Variants in SNX29 observed in about 807,000 individuals in gnomAD.
SNX29 encodes sorting nexin 29.
A neutral mutation model predicts 102.1 loss-of-function variants in SNX29; 78 were observed. That is an observed-to-expected ratio of 0.76 (90% CI 0.64 to 0.92). SNX29 has a LOEUF of 0.92. SNX29 is among the 40% of genes least tolerant of loss of function. The probability of loss-of-function intolerance (pLI) is 0.00; values close to 1 mark genes in which losing one functional copy is unlikely to be tolerated. For missense variants in SNX29, 1,280 were observed against 1,061.7 expected, an observed-to-expected ratio of 1.21 and a Z score of -2.86; for synonymous variants, 580 against 414.5, an observed-to-expected ratio of 1.40 and a Z score of -4.85.
rs896752159 is a variant in SNX29 at position 12,442,531 on chromosome 16, C to G, written c.2038-35188C>G. On this transcript the variant is annotated intron_variant, in intron 18 of 20. Transcript: ENST00000566228. ...CATCTCAGATGCAACTCTGTTCTTA[C>G]AGAGTCAAGGCAGCCATAGGCTATA... is the stretch of plus-strand genomic sequence containing the variant. 7.2e-5 allele frequency among the ~76,000 whole-genome samples: 11 copies of G among 151,920 alleles called. 1 individual carries two copies. The highest frequency in any genetic ancestry group is 7.2e-4 in the Admixed American group (11 of 15,246).
At chr16:12,324,071 T>C (rs529120587) in intron 15 of SNX29, among the ~76,000 whole-genome samples, 1 of 152,184 alleles carries the variant, frequency 6.6e-6, no homozygotes, top group South Asian at 2.1e-4. Context: ...GAGACCCAGA[T>C]TGGACCATCG....
At chr16:12,035,568 C>G (rs1206315878) in intron 4 of SNX29, among the ~76,000 whole-genome samples, 1 of 152,140 alleles carries the variant, frequency 6.6e-6, no homozygotes, top group African/African-American at 2.4e-5. Context: ...CAGGCTGGTT[C>G]AGTTTGGGAT....
At chr16:12,340,327 A>T (rs933683073) in intron 15 of SNX29, among the ~76,000 whole-genome samples, 1 of 152,178 alleles carries the variant, frequency 6.6e-6, no homozygotes. Flanking sequence ...TTGAAGTCCT[A>T]TTCTCTGTAA....
chr16:12,460,321 G>A (rs942433936), intron 18 of SNX29, among the ~76,000 whole-genome samples: 3 of 152,188 alleles, frequency 2.0e-5, no homozygotes, highest in Non-Finnish European at 4.4e-5. Context: ...TCAGAGTTGA[G>A]TGCCTTGCTT....
intron 2 of SNX29, among the ~76,000 whole-genome samples, chr16:12,001,405 G>A (rs565142948): frequency 4.6e-5 from 7 of 152,146 alleles, no homozygotes; most frequent in South Asian, 4.2e-4. Flanking sequence ...GAGCCACCGC[G>A]CCTAGCCTGC....
chr16:12,036,968 C>T (rs2057493854), intron 4 of SNX29, among the ~76,000 whole-genome samples: 1 of 152,028 alleles, frequency 6.6e-6, no homozygotes, highest in Admixed American at 6.6e-5. Flanking sequence ...TGCCTTCTCC[C>T]AAATCTGTCT....
At chr16:12,317,780 G>A (rs1442597662) in intron 15 of SNX29, among the ~76,000 whole-genome samples, 2 of 152,258 alleles carry the variant, frequency 1.3e-5, no homozygotes, top group East Asian at 1.9e-4. Flanking sequence ...CCCTGGATAT[G>A]TTCCCTAACC....
chr16:12,531,103 A>G (rs570114803), intron 20 of SNX29, among the ~76,000 whole-genome samples: 4 of 152,314 alleles, frequency 2.6e-5, no homozygotes, highest in African/African-American at 9.6e-5. Context: ...TTTTCCTGAC[A>G]TCACTAAAGC....
intron 13 of SNX29, among the ~76,000 whole-genome samples, chr16:12,175,967 T>C (rs183880121): frequency 3.5e-4 from 53 of 152,206 alleles, no homozygotes; most frequent in African/African-American, 1.2e-3. Context: ...GATTGTGTCA[T>C]TGCGGTCCAG....
chr16:12,285,591 A>G (rs765667773), intron 15 of SNX29, among the ~76,000 whole-genome samples: 1 of 152,196 alleles, frequency 6.6e-6, no homozygotes, highest in African/African-American at 2.4e-5. Flanking sequence ...TGTGAATGTG[A>G]TCATCATTTT....
chr16:12,066,108 T>C (rs867407055), intron 9 of SNX29, among the ~76,000 whole-genome samples: 36 of 152,210 alleles, frequency 2.4e-4, no homozygotes, highest in Middle Eastern at 6.8e-3. Flanking sequence ...AGCGCTCTCA[T>C]TGAAGGCTGG....
chr16:12,102,097 C>T (rs2053046659), intron 11 of SNX29, among the ~76,000 whole-genome samples: 1 of 152,218 alleles, frequency 6.6e-6, no homozygotes, highest in Non-Finnish European at 1.5e-5. Context: ...AACACGAACT[C>T]ATCCTTTTTT....
chr16:12,346,210 G>C (rs890344643), intron 15 of SNX29, among the ~76,000 whole-genome samples: 2 of 152,144 alleles, frequency 1.3e-5, no homozygotes, highest in African/African-American at 2.4e-5. Context: ...CCTAGGTTTG[G>C]CCACAGGATG....
chr16:12,413,241 G>A (rs190225856), intron 18 of SNX29, among the ~76,000 whole-genome samples: 1 of 152,098 alleles, frequency 6.6e-6, no homozygotes, highest in Admixed American at 6.6e-5. Flanking sequence ...GTCTCAAAAC[G>A]GGAGATAAAA....
chr16:12,476,411 T>TATATATAA (rs1567603336), intron 18 of SNX29, among the ~76,000 whole-genome samples: 2 of 18,646 alleles, frequency 1.1e-4, no homozygotes, highest in Non-Finnish European at 7.5e-5. Context: ...TATATATATA[T>TATATATAA]ACATATATAT....
At chr16:12,512,393 TATATATATATATATATATATATATA>T (rs1410653280) in intron 19 of SNX29, among the ~76,000 whole-genome samples, 1 of 80,540 alleles carries the variant, frequency 1.2e-5, no homozygotes, top group African/African-American at 4.8e-5. Flanking sequence ...TATATATATA[TATATATATATATATATATATATATA>T]GTTTTCGGTT....
intron 13 of SNX29, among the ~76,000 whole-genome samples, chr16:12,158,620 T>A (rs533772068): frequency 3.9e-5 from 6 of 152,324 alleles, no homozygotes; most frequent in African/African-American, 1.4e-4. Flanking sequence ...ATTAGTTCTT[T>A]TCTTGAACAT....
Position 12,570,513 on chromosome 16 carries a change from C to T in SNX29, c.*1884C>T, listed in dbSNP as rs2079164915. Reference sequence around the variant, plus strand: ...CATGACCCCTTAGGTTGGGTTTATGCCACATCGGTCATTTTGAAGTAGGTG... The same window carrying T: ...CATGACCCCTTAGGTTGGGTTTATGTCACATCGGTCATTTTGAAGTAGGTG... On this transcript the variant is annotated 3_prime_UTR_variant, in exon 21 of 21. Transcript: ENST00000566228. 4.3e-6 allele frequency: 1 copy of T among 232,468 alleles called. No individual in the cohort carries two copies. Among genetic ancestry groups the T allele is most frequent in the Non-Finnish European group, 8.5e-6 (1 of 117,634 alleles). 14.4% of individuals were successfully genotyped at this position (232,468 alleles called of 1,614,324 possible).
chr16:12,063,566 A>G (rs1160957404), intron 9 of SNX29, among the ~76,000 whole-genome samples: 1 of 151,284 alleles, frequency 6.6e-6, no homozygotes, highest in Non-Finnish European at 1.5e-5. Flanking sequence ...TTTAGTAGAG[A>G]TGGCGTTTCG....
Sources: gnomAD v4.1 joint callset for allele counts (sites outside exome capture counted in the v4.1 genomes callset) on GRCh38, gnomAD v4.1.1 for gene constraint, MANE v1.5 for transcripts, NCBI Gene and HGNC (gene_info 2026-07-23, HGNC 2026-07-21) for gene names.